PCDHGB2: variants seen among roughly 807,000 people sequenced by gnomAD.
The protein encoded by PCDHGB2 is protocadherin gamma subfamily B, 2.
PCDHGB2 carries 55 observed loss-of-function variants against 59.3 expected under a neutral mutation model. The ratio of observed to expected loss-of-function variants is 0.93; its 90% CI spans 0.75 to 1.16. The LOEUF (loss-of-function observed/expected upper bound fraction) is 1.16, where lower values mean the gene tolerates loss of function less well. Among genes scored for constraint, PCDHGB2 ranks in the 50% most tolerant of loss-of-function variants. PCDHGB2 has a pLI of 0.00. For synonymous variants in PCDHGB2, 516 were observed against 512.0 expected (o/e 1.01, Z -0.11); for missense variants, 1,228 against 1,198.5 (o/e 1.02, Z -0.36).
In PCDHGB2 at chr5:141,477,500, T is replaced by C. The variant is rs757547508; in HGVS notation, c.2422-17307T>C. The C allele has an allele frequency of 3.1e-6, 5 of 1,614,156 alleles. No homozygotes were observed. Among genetic ancestry groups the C allele is most frequent in the Non-Finnish European group, 4.2e-6 (5 of 1,180,026 alleles). ...CCCTCCACAATCTTCTCAATCTTCC[T>C]ACGACGTTTACATTGAAGAAAACAA... On this transcript the variant is annotated intron_variant, in intron 1 of 3. Coordinates refer to ENST00000522605, the MANE Select transcript of PCDHGB2 (RefSeq NM_018923.3). This position sits in a 1 kb window ranked among gnomAD's most constrained non-coding sequence, Gnocchi z 4.9.
rs1177173734 is a variant in PCDHGB2, at chr5:141,491,741, G to A, written c.2422-3066G>A. ...CCGCCCCGGGCGACCCCTGGGGGCG[G>A]CACTGGAGAAGCCGCCCGTCCTCAT... On this transcript the variant is annotated intron_variant, in intron 1 of 3. Coordinates refer to ENST00000522605, the MANE Select transcript of PCDHGB2 (RefSeq NM_018923.3). The surrounding 1 kb of genome is among the most constrained non-coding windows in gnomAD (Gnocchi z 6.9). 1.9e-6 allele frequency: 3 copies of A among 1,595,644 alleles called. No homozygotes were observed. In the South Asian group the frequency reaches 3.4e-5, roughly 18 times the overall value.
At chr5:141,375,743 G>T (rs1306571091) in intron 1 of PCDHGB2, 1 of 1,614,120 alleles carries the variant, frequency 6.2e-7, no homozygotes, top group African/African-American at 1.3e-5. Flanking sequence ...GTTTGTGCTG[G>T]ACCAGAATGA....
At chr5:141,414,167 A>T (rs2095716553) in intron 1 of PCDHGB2, 3 of 1,605,526 alleles carry the variant, frequency 1.9e-6, no homozygotes, top group Non-Finnish European at 2.6e-6. Flanking sequence ...GGAGGAGCAT[A>T]TCTTGCAACT....
chr5:141,409,203 T>TC, intron 1 of PCDHGB2: 1 of 1,613,964 alleles, frequency 6.2e-7, no homozygotes, highest in Non-Finnish European at 8.5e-7. Context: ...TGTAAAGTAA[T>TC]CATAGAAATC....
Position 141,489,857 on chromosome 5 carries a change from C to T in PCDHGB2, c.2422-4950C>T. 2 of 1,614,166 alleles carry T rather than the reference C, an allele frequency of 1.2e-6. No individual in the cohort carries two copies. On this transcript the variant is annotated intron_variant, in intron 1 of 3. Coordinates refer to ENST00000522605, the MANE Select transcript of PCDHGB2 (RefSeq NM_018923.3). This position sits in a 1 kb window ranked among gnomAD's most constrained non-coding sequence, Gnocchi z 4.5. ...CAGCAGCTGGATCGTGAAGCCCAGGCAAGACATCAGCTGGTGCTTACTGCT... is the reference window on the plus strand; with the variant it reads ...CAGCAGCTGGATCGTGAAGCCCAGGTAAGACATCAGCTGGTGCTTACTGCT...
chr5:141,498,078 G>A (rs1165770641), intron 2 of PCDHGB2, among the ~76,000 whole-genome samples: 6 of 152,194 alleles, frequency 3.9e-5, no homozygotes, highest in African/African-American at 1.4e-4. Flanking sequence ...ATAAGTGCTA[G>A]GTAGAATTGT....
In PCDHGB2 at chr5:141,432,293, G is replaced by C. The variant is rs765631138; in HGVS notation, c.2422-62514G>C. Reference sequence around the variant, plus strand: ...CTACGTGTCCATCAACTCCGACACTGGGGTACTGTATGCGCTGAGCTCCTT... The same window carrying C: ...CTACGTGTCCATCAACTCCGACACTCGGGTACTGTATGCGCTGAGCTCCTT... On this transcript the variant is annotated intron_variant, in intron 1 of 3. Coordinates refer to ENST00000522605, the MANE Select transcript of PCDHGB2 (RefSeq NM_018923.3). This position sits in a 1 kb window ranked among gnomAD's most constrained non-coding sequence, Gnocchi z 6.0. 6.2e-7 allele frequency: 1 copy of C among 1,614,254 alleles called. No individual in the cohort carries two copies.
intron 1 of PCDHGB2, chr5:141,376,561 A>C (rs780141155): frequency 4.2e-5 from 67 of 1,608,210 alleles, no homozygotes; most frequent in Non-Finnish European, 5.4e-5. Context: ...CCGCAACCCA[A>C]CTAATCAGAC....
At chr5:141,364,236 A>G (rs1179027324) in intron 1 of PCDHGB2, 1 of 1,433,738 alleles carries the variant, frequency 7.0e-7, no homozygotes, top group Non-Finnish European at 9.3e-7. Flanking sequence ...CTCCACGCCC[A>G]TTTTCGTCAG....
At chr5:141,410,748 C>G in intron 1 of PCDHGB2, 1 of 1,245,396 alleles carries the variant, frequency 8.0e-7, no homozygotes, top group Non-Finnish European at 1.1e-6. Flanking sequence ...AATATTTTCT[C>G]AATGTTTTTT....
chr5:141,375,403 A>G, intron 1 of PCDHGB2: 2 of 1,613,908 alleles, frequency 1.2e-6, no homozygotes, highest in Non-Finnish European at 1.7e-6. Flanking sequence ...TCATCTCTCT[A>G]AATGTGGCAG....
At position 141,505,413 on chromosome 5, in the gene PCDHGB2, C is replaced by A; in HGVS notation, c.2501C>A (p.Thr834Asn). ...CCCAGCTCCCAAAATGGCGATGACACCGGCACCTGGCCCAACAACCAGTTT... is the reference window on the plus strand; with the variant it reads ...CCCAGCTCCCAAAATGGCGATGACAACGGCACCTGGCCCAACAACCAGTTT... ...GTSGSQNGDD[T>N]GTWPNNQFDT... Residue 834 changes from threonine to asparagine, a missense_variant, in exon 3 of 4, where the codon ACC becomes AAC. Physicochemically the swap from Thr to Asn is moderately conservative, Grantham distance 65 (BLOSUM62 0). Coordinates refer to ENST00000522605, the MANE Select transcript of PCDHGB2 (RefSeq NM_018923.3). 1 of 1,614,202 alleles carries A rather than the reference C, an allele frequency of 6.2e-7. No homozygotes were observed. Among genetic ancestry groups the A allele is most frequent in the Non-Finnish European group, 8.5e-7 (1 of 1,180,046 alleles).
At chr5:141,383,347 G>T in intron 1 of PCDHGB2, 1 of 1,614,012 alleles carries the variant, frequency 6.2e-7, no homozygotes, top group South Asian at 1.1e-5. Flanking sequence ...AGCTCCTGGG[G>T]TTCGGTTTCC....
intron 1 of PCDHGB2, among the ~76,000 whole-genome samples, chr5:141,451,985 A>G (rs1460304088): frequency 6.6e-6 from 1 of 152,202 alleles, no homozygotes; most frequent in Non-Finnish European, 1.5e-5. Context: ...TAGTTTGTTC[A>G]TTAGAAGCAA....
At chr5:141,410,659 C>T (rs1481225976) in intron 1 of PCDHGB2, 5 of 1,571,890 alleles carry the variant, frequency 3.2e-6, no homozygotes, top group Non-Finnish European at 4.3e-6. Flanking sequence ...ATCTAATAGT[C>T]TACTAGTTTC....
chr5:141,383,476 G>A, intron 1 of PCDHGB2: 1 of 1,613,748 alleles, frequency 6.2e-7, no homozygotes, highest in Non-Finnish European at 8.5e-7. Flanking sequence ...TAAGTACCCG[G>A]AACTGGTGCT....
chr5:141,427,717 A>G (rs1038823851), intron 1 of PCDHGB2: 20 of 1,076,234 alleles, frequency 1.9e-5, no homozygotes, highest in African/African-American at 1.1e-4. Context: ...TCTGACCTGG[A>G]CCTAGGGCTG....
In PCDHGB2 at chr5:141,362,030, T is replaced by C; in HGVS notation, c.1895T>C (p.Leu632Ser). 1.2e-6 allele frequency: 2 copies of C among 1,608,762 alleles called. No individual in the cohort carries two copies. The highest frequency in any genetic ancestry group is 1.1e-5 in the South Asian group (1 of 90,922). The part of the protein sequence containing the change: ...RTGEVRTARA[L>S]GDRDAARQRL... Reference sequence around the variant, plus strand: ...GGTGAGGTGCGCACAGCGCGTGCCTTGGGCGACAGGGACGCGGCCCGCCAG... The same window carrying C: ...GGTGAGGTGCGCACAGCGCGTGCCTCGGGCGACAGGGACGCGGCCCGCCAG... Residue 632 changes from leucine (L) to serine (S), a missense_variant, in exon 1 of 4, where the codon TTG becomes TCG. Transcript: ENST00000522605.
intron 1 of PCDHGB2, chr5:141,370,669 G>C (rs370792537): frequency 6.2e-7 from 1 of 1,613,908 alleles, no homozygotes; most frequent in Admixed American, 1.7e-5. Context: ...CGTATAGACC[G>C]AGAGGAGATT....
Sources: gnomAD v4.1 joint callset for allele counts (sites outside exome capture counted in the v4.1 genomes callset) on GRCh38, gnomAD v4.1.1 for gene constraint, Gnocchi (gnomAD v3.1) non-coding constraint, MANE v1.5 for transcripts, NCBI Gene and HGNC (gene_info 2026-07-23, HGNC 2026-07-21) for gene names.